The following SV2C variants were observed in gnomAD, a reference collection of about 807,000 sequenced individuals.
The protein encoded by SV2C is synaptic vesicle glycoprotein 2C, also known as solute carrier family 22 member B3.
SV2C carries 49 observed loss-of-function variants against 79.7 expected under a neutral mutation model. The observed-to-expected ratio is 0.61, with a 90% confidence interval of 0.49 to 0.78. The LOEUF (loss-of-function observed/expected upper bound fraction) is 0.78. SV2C is among the 30% of genes least tolerant of loss of function. SV2C has a pLI of 0.00. For missense variants in SV2C, 833 were observed against 912.9 expected (o/e 0.91, Z 1.13); for synonymous variants, 334 against 333.2 (o/e 1.00, Z -0.03).
At chr5:76,324,783 G>C (rs534263046) in intron 12 of SV2C, among the ~76,000 whole-genome samples, 1 of 152,122 alleles carries the variant, frequency 6.6e-6, no homozygotes, top group Non-Finnish European at 1.5e-5. Context: ...TTGAACCTGC[G>C]AAGTGGAGGC....
the SV2C span, among the ~76,000 whole-genome samples, chr5:75,955,256 C>G: frequency 6.7e-6 from 1 of 149,470 alleles, no homozygotes; most frequent in Non-Finnish European, 1.5e-5. Flanking sequence ...CTACAACTAT[C>G]TGATCTTTGA....
At chr5:76,076,748 A>T in the SV2C span, among the ~76,000 whole-genome samples, 1 of 152,188 alleles carries the variant, frequency 6.6e-6, no homozygotes, top group Non-Finnish European at 1.5e-5. Flanking sequence ...TCTACTGCAT[A>T]GCCACATTCT....
chr5:76,109,073 A>G (rs1202328280), intron 1 of SV2C, among the ~76,000 whole-genome samples: 1 of 152,212 alleles, frequency 6.6e-6, no homozygotes, highest in Non-Finnish European at 1.5e-5. Flanking sequence ...GAGGAGATTC[A>G]GAAGAAGAAT....
At chr5:76,062,823 A>C in the SV2C span, among the ~76,000 whole-genome samples, 2 of 152,158 alleles carry the variant, frequency 1.3e-5, no homozygotes, top group South Asian at 4.1e-4. Flanking sequence ...CAGCCAACTC[A>C]TTGGGGTTGC....
intron 2 of SV2C, chr5:76,174,133 A>G: frequency 6.2e-7 from 1 of 1,609,680 alleles, no homozygotes. Context: ...CAGTCAAAGC[A>G]GACTTTCCAA....
Position 76,132,101 on chromosome 5 carries a change from C to T in SV2C, c.351C>T (p.Tyr117=). The change falls in exon 2 of 13, where the codon TAC becomes TAT. Residue 117 remains tyrosine, a synonymous_variant. Transcript: ENST00000502798. The part of the protein sequence containing the change: ...VSVGQPKGDE[Y]KDRRELESER... ...TGGGGCAGCCCAAGGGCGATGAGTACAAGGACCGGCGGGAGCTGGAATCAG... is the reference window on the plus strand; with the variant it reads ...TGGGGCAGCCCAAGGGCGATGAGTATAAGGACCGGCGGGAGCTGGAATCAG... 6.2e-7 allele frequency: 1 copy of T among 1,613,714 alleles called. No individual in the cohort carries two copies. The highest frequency in any genetic ancestry group is 8.5e-7 in the Non-Finnish European group (1 of 1,179,832).
intron 4 of SV2C, among the ~76,000 whole-genome samples, chr5:76,245,444 G>A (rs773575789): frequency 2.6e-5 from 4 of 152,164 alleles, no homozygotes; most frequent in Non-Finnish European, 4.4e-5. Flanking sequence ...GGAGATGTGA[G>A]CTAAGAAAAC....
the SV2C span, among the ~76,000 whole-genome samples, chr5:75,977,398 T>G: frequency 6.6e-6 from 1 of 152,242 alleles, no homozygotes; most frequent in Non-Finnish European, 1.5e-5. Context: ...TTCCTCGTGT[T>G]TGTTTTCTTC....
At chr5:76,245,423 G>A (rs989968917) in intron 4 of SV2C, among the ~76,000 whole-genome samples, 1 of 152,188 alleles carries the variant, frequency 6.6e-6, no homozygotes, top group Non-Finnish European at 1.5e-5. Context: ...AAATGATTCT[G>A]AAGAGTCCAA....
chr5:76,349,669 ATTTTT>A (rs34691117), intron 12 of SV2C, among the ~76,000 whole-genome samples: 1 of 137,490 alleles, frequency 7.3e-6, no homozygotes, highest in African/African-American at 2.7e-5. Flanking sequence ...TTTAGCCTTC[ATTTTT>A]TTTTTTTTTT....
the SV2C span, among the ~76,000 whole-genome samples, chr5:75,963,852 T>C: frequency 1.3e-5 from 2 of 152,116 alleles, no homozygotes; most frequent in Non-Finnish European, 2.9e-5. Flanking sequence ...CTCTCATATT[T>C]TTCTTCTCTT....
the SV2C span, among the ~76,000 whole-genome samples, chr5:75,880,704 T>C: frequency 1.3e-5 from 2 of 152,180 alleles, no homozygotes; most frequent in African/African-American, 4.8e-5. Context: ...CATCTTCTTT[T>C]CTTCTTCTGA....
At chr5:76,219,894 C>T (rs1321172404) in intron 4 of SV2C, among the ~76,000 whole-genome samples, 1 of 152,206 alleles carries the variant, frequency 6.6e-6, no homozygotes, top group African/African-American at 2.4e-5. Context: ...GAAGTGATGT[C>T]AGGCATTTAC....
the SV2C span, among the ~76,000 whole-genome samples, chr5:75,934,443 C>G: frequency 1.3e-5 from 2 of 151,872 alleles, no homozygotes; most frequent in African/African-American, 4.8e-5. Flanking sequence ...CACACCACCA[C>G]AGCTGGTTAA....
the SV2C span, among the ~76,000 whole-genome samples, chr5:75,971,295 A>G: frequency 5.5e-4 from 84 of 152,182 alleles, no homozygotes; most frequent in African/African-American, 2.0e-3. Context: ...CACCACTCCT[A>G]TTCAACATAG....
the SV2C span, among the ~76,000 whole-genome samples, chr5:75,915,315 TG>T: frequency 6.6e-6 from 1 of 152,236 alleles, no homozygotes; most frequent in East Asian, 1.9e-4. Context: ...GACACCATGC[TG>T]CTTCATGTTA....
the SV2C span, among the ~76,000 whole-genome samples, chr5:76,018,816 G>C: frequency 6.6e-6 from 1 of 152,282 alleles, no homozygotes; most frequent in Middle Eastern, 3.4e-3. Context: ...AACCCTAAGA[G>C]GTTTTAAAAG....
chr5:75,975,896 A>C, the SV2C span, among the ~76,000 whole-genome samples: 1 of 152,176 alleles, frequency 6.6e-6, no homozygotes, highest in South Asian at 2.1e-4. Context: ...ATAGGCAAAG[A>C]GAGAAGAAGC....
the SV2C span, among the ~76,000 whole-genome samples, chr5:75,926,074 G>A: frequency 3.9e-5 from 6 of 152,128 alleles, no homozygotes; most frequent in African/African-American, 9.7e-5. Flanking sequence ...ACTTAACTGC[G>A]GTTGATAGAA....
Sources: gnomAD v4.1 joint callset for allele counts (sites outside exome capture counted in the v4.1 genomes callset) on GRCh38, gnomAD v4.1.1 for gene constraint, MANE v1.5 for transcripts, NCBI Gene and HGNC (gene_info 2026-07-23, HGNC 2026-07-21) for gene names.